Variants in LRP1 observed in about 807,000 individuals in gnomAD.
LRP1 encodes LDL receptor related protein 1.
Under a neutral mutation model 541.5 loss-of-function variants are expected in LRP1, and 51 were observed. The observed-to-expected ratio is 0.09, with a 90% CI of 0.08 to 0.12. LRP1 has a LOEUF of 0.12. Ranked by LOEUF, LRP1 falls within the 10% of genes least tolerant of loss-of-function variation. LRP1 has a pLI of 1.00. For missense variants in LRP1, 3,878 were observed against 6,376.2 expected, an observed-to-expected ratio of 0.61 and a Z score of 13.34; for synonymous variants, 2,219 against 2,470.8, an observed-to-expected ratio of 0.90 and a Z score of 3.02.
At chr12:57,151,805 G>A (rs1242764281) in intron 6 of LRP1, among the ~76,000 whole-genome samples, 2 of 149,684 alleles carry the variant, frequency 1.3e-5, no homozygotes, top group Non-Finnish European at 2.9e-5. Context: ...GTGTGCATAC[G>A]TGCGTATGTG....
chr12:57,188,657 C>T (rs1209034587), intron 42 of LRP1, among the ~76,000 whole-genome samples: 2 of 152,200 alleles, frequency 1.3e-5, no homozygotes, highest in Admixed American at 6.5e-5. Context: ...CCCCTGGCTG[C>T]CCACCAAGCT....
chr12:57,186,692 C>T lies in LRP1; in HGVS notation c.6842-575C>T, dbSNP rs1244296739. Among the ~76,000 whole-genome samples, 4 of 152,302 alleles carry T rather than the reference C, an allele frequency of 2.6e-5. No individual in the cohort carries two copies. In the East Asian group the frequency reaches 5.8e-4, roughly 22 times the overall value. ...GATCAGGAGAGACTGGCACATCAAT[C>T]CCCAGACCCCTGGAAGGGATGTCCC... On this transcript the variant is annotated intron_variant, in intron 41 of 88. Transcript: ENST00000243077.
Position 57,173,112 on chromosome 12 carries a change from G to T in LRP1, c.3164-56G>T. ...CCGGGGTGGCAGGGCACAGGGATGA[G>T]GAGGGCTGACCTGGGCAACCCCTCC... On this transcript the variant is annotated intron_variant, in intron 20 of 88. Coordinates refer to ENST00000243077, the MANE Select transcript of LRP1 (RefSeq NM_002332.3). This position sits in a 1 kb window ranked among gnomAD's most constrained non-coding sequence, Gnocchi z 4.7. 6.8e-7 allele frequency: 1 copy of T among 1,460,358 alleles called. No homozygotes were observed. The highest frequency in any genetic ancestry group is 9.3e-7 in the Non-Finnish European group (1 of 1,073,688). 90.5% of individuals were successfully genotyped at this position (1,460,358 alleles called of 1,614,324 possible). A position where few individuals can be genotyped will look rare whatever the true frequency, so the allele number is the denominator to read the frequency against.
chr12:57,196,032 C>T (rs756220060), intron 54 of LRP1, 29 bp downstream of exon 54: 2 of 1,611,782 alleles, frequency 1.2e-6, no homozygotes, highest in Admixed American at 1.7e-5. Flanking sequence ...TCCCCTCTGC[C>T]CCCTCCCCAG....
chr12:57,198,133 C>T, intron 58 of LRP1, 23 bp from the exon 59 acceptor site: 1 of 1,587,228 alleles, frequency 6.3e-7, no homozygotes. Flanking sequence ...CCAGAGCTCT[C>T]CCTCCCCTGC....
chr12:57,129,889 G>A (rs2035002000), intron 1 of LRP1, among the ~76,000 whole-genome samples: 1 of 151,970 alleles, frequency 6.6e-6, no homozygotes, highest in African/African-American at 2.4e-5. Flanking sequence ...GGTTGGATGG[G>A]GATTATGGCT....
At chr12:57,196,028 C>T (rs1382024744) in intron 54 of LRP1, 25 bp downstream of exon 54, 1 of 1,612,162 alleles carries the variant, frequency 6.2e-7, no homozygotes, top group Non-Finnish European at 8.5e-7. Flanking sequence ...TGGCTCCCCT[C>T]TGCCCCCTCC....
rs200147657 is a variant in LRP1 at position 57,195,264 on chromosome 12, C to G, written c.8309-7C>G. 18 of 1,613,368 alleles carry G rather than the reference C, an allele frequency of 1.1e-5. No homozygotes were observed. In the Admixed American group the frequency reaches 2.2e-4, roughly 19 times the overall value. Reference sequence around the variant, plus strand: ...AAGTCTCTCAGTGGCCCTCTCTCCCCCTACAGAAGGCAAGACGTGCGGCCC... The same window carrying G: ...AAGTCTCTCAGTGGCCCTCTCTCCCGCTACAGAAGGCAAGACGTGCGGCCC... On this transcript the variant is annotated splice_region_variant and splice_polypyrimidine_tract_variant and intron_variant, in intron 51 of 88. Coordinates refer to ENST00000243077, the MANE Select transcript of LRP1 (RefSeq NM_002332.3).
chr12:57,134,542 C>T (rs888652377), intron 1 of LRP1, among the ~76,000 whole-genome samples: 6 of 152,190 alleles, frequency 3.9e-5, no homozygotes, highest in African/African-American at 1.2e-4. Context: ...ACCTCCGCCT[C>T]CTGCTAATTT....
Position 57,185,760 on chromosome 12 carries a change from G to A in LRP1, c.6693G>A (p.Glu2231=). The A allele has an allele frequency of 6.2e-7, 1 of 1,614,212 alleles. No individual in the cohort carries two copies. The highest frequency in any genetic ancestry group is 1.6e-4 in the Middle Eastern group (1 of 6,062). Residue 2231 remains glutamate (E), a synonymous_variant, in exon 41 of 89, where the codon GAG becomes GAA. Transcript: ENST00000243077. The surrounding 1 kb of genome is among the most constrained non-coding windows in gnomAD (Gnocchi z 4.9). ...NAPVQPFEDP[E]HMKNVIALAF... is the part of the protein sequence containing the mutation. ...CCGTGCAGCCCTTCGAGGACCCTGA[G>A]CACATGAAGAACGTCATCGCCCTGG...
chr12:57,199,484 A>C (rs545842177), intron 61 of LRP1, 84 bp downstream of exon 61: 2 of 1,438,600 alleles, frequency 1.4e-6, no homozygotes, highest in Non-Finnish European at 1.9e-6. Context: ...CTTCTCTAGC[A>C]TTGACCAAGC....
Position 57,162,778 on chromosome 12 carries a change from T to A in LRP1, c.2405-80T>A. On this transcript the variant is annotated intron_variant, in intron 14 of 88. Transcript: ENST00000243077. The surrounding 1 kb of genome is among the most constrained non-coding windows in gnomAD (Gnocchi z 5.2). ...TCCTCTTTCTGTCCCCACATCTTAA[T>A]GTGTCTCCTCCCCTATCCCTTCTCT... The A allele has an allele frequency of 6.9e-7, 1 of 1,447,710 alleles. No individual in the cohort carries two copies. Among genetic ancestry groups the A allele is most frequent in the Non-Finnish European group, 9.4e-7 (1 of 1,068,032 alleles). The allele number at this position is 1,447,710 out of a possible 1,614,324, so 89.7% of individuals were successfully genotyped here.
At chr12:57,150,634 AG>A (rs1252566549) in intron 6 of LRP1, among the ~76,000 whole-genome samples, 1 of 152,126 alleles carries the variant, frequency 6.6e-6, no homozygotes, top group African/African-American at 2.4e-5. Context: ...GGAGGCACAG[AG>A]GGCGACTTGG....
rs1555186754 is a variant in LRP1 at position 57,196,191 on chromosome 12, G to A, written c.8806G>A (p.Glu2936Lys). ...GQDDCGDSSD[E>K]RGCHINECLS... is the part of the protein sequence containing the mutation. ...GGATGACTGTGGCGACAGCTCGGACGAGCGTGGCTGCCACATCAATGAGTG... is the reference window on the plus strand; with the variant it reads ...GGATGACTGTGGCGACAGCTCGGACAAGCGTGGCTGCCACATCAATGAGTG... Residue 2936 changes from glutamate (E) to lysine (K), a missense_variant, in exon 55 of 89, where the codon GAG becomes AAG. Transcript: ENST00000243077. 2 of 1,611,564 alleles carry A rather than the reference G, an allele frequency of 1.2e-6. No individual in the cohort carries two copies. The highest frequency in any genetic ancestry group is 1.7e-5 in the Admixed American group (1 of 59,986).
rs41291995 is a variant in LRP1 at position 57,156,872 on chromosome 12, C to T, written c.1513C>T (p.Arg505Cys). 2 of 1,597,544 alleles carry T rather than the reference C, an allele frequency of 1.3e-6. No homozygotes were observed. The highest frequency in any genetic ancestry group is 2.2e-5 in the East Asian group (1 of 44,602). ...LANSHKARTCRCRSGFSLGSD... is the reference protein window; with the variant it reads ...LANSHKARTCCCRSGFSLGSD... ...CAACAGCCACAAGGCGCGGACCTGC[C>T]GCTGCCGTTCCGGCTTCAGCCTGGG... Residue 505 changes from arginine to cysteine, a missense_variant, in exon 10 of 89, where the codon CGC becomes TGC. This residue lies in a region of LRP1 where 496 missense variants were observed against 861.0 expected (regional missense o/e 0.58). Coordinates refer to ENST00000243077, the MANE Select transcript of LRP1 (RefSeq NM_002332.3). The surrounding 1 kb of genome is among the most constrained non-coding windows in gnomAD (Gnocchi z 5.2).
Position 57,180,488 on chromosome 12 carries a change from T to C in LRP1, c.5386+9T>C, listed in dbSNP as rs767661102. ...CGCCCTGGCCATCATGGGTGAGGGC[T>C]GCTGGGCGAAGCAGAGATGACGCAG... On this transcript the variant is annotated intron_variant, in intron 32 of 88. Transcript: ENST00000243077. 3.1e-6 allele frequency: 5 copies of C among 1,613,754 alleles called. No individual in the cohort carries two copies. Among genetic ancestry groups the C allele is most frequent in the African/African-American group, 1.3e-5 (1 of 75,080 alleles).
intron 62 of LRP1, 43 bp from the exon 63 acceptor site, chr12:57,200,399 C>A: frequency 8.8e-7 from 1 of 1,141,786 alleles, no homozygotes; most frequent in South Asian, 1.2e-5. Flanking sequence ...TTCTGAGTCC[C>A]CCAGACCCCC....
intron 6 of LRP1, chr12:57,146,626 C>T (rs2136664966): frequency 6.6e-6 from 1 of 152,324 alleles, no homozygotes; most frequent in African/African-American, 2.4e-5. Context: ...TGAGAGCCCT[C>T]ACTCTCCGTG....
Position 57,128,531 on chromosome 12 carries a change from G to A in LRP1, c.-434G>A, listed in dbSNP as rs1156583165. 3 of 389,854 alleles carry A rather than the reference G, an allele frequency of 7.7e-6. No individual in the cohort carries two copies. The highest frequency in any genetic ancestry group is 1.4e-5 in the Non-Finnish European group (3 of 221,014). The allele number at this position is 389,854 out of a possible 1,614,324, so 24.1% of individuals were successfully genotyped here. Reference sequence around the variant, plus strand: ...GCGAGCTCCAGGCCCATGCACTGAGGAGGCGGAAACAAGGGGAGCCCCCAG... The same window carrying A: ...GCGAGCTCCAGGCCCATGCACTGAGAAGGCGGAAACAAGGGGAGCCCCCAG... On this transcript the variant is annotated 5_prime_UTR_variant, in exon 1 of 89. Coordinates refer to ENST00000243077, the MANE Select transcript of LRP1 (RefSeq NM_002332.3).
Sources: gnomAD v4.1 joint callset for allele counts (sites outside exome capture counted in the v4.1 genomes callset) on GRCh38, gnomAD v4.1.1 for gene constraint, gnomAD v4.1.1 regional missense constraint, Gnocchi (gnomAD v3.1) non-coding constraint, MANE v1.5 for transcripts, NCBI Gene and HGNC (gene_info 2026-07-23, HGNC 2026-07-21) for gene names.